Variants in FBRSL1 observed in about 807,000 individuals in gnomAD.
FBRSL1 encodes the protein fibrosin-1-like protein.
Under a neutral mutation model 89.6 loss-of-function variants are expected in FBRSL1, and 51 were observed. The observed-to-expected ratio is 0.57, with a 90% CI of 0.45 to 0.72. The LOEUF is 0.72. Among genes scored for constraint, FBRSL1 ranks in the 30% least tolerant of loss-of-function variants. The pLI is 0.00. For missense variants in FBRSL1, 1,618 were observed against 1,451.8 expected (o/e 1.11, Z -1.86); for synonymous variants, 779 against 681.1 (o/e 1.14, Z -2.24).
chr12:132,536,479 C>T (rs1166820353), intron 4 of FBRSL1, among the ~76,000 whole-genome samples: 4 of 147,120 alleles, frequency 2.7e-5, no homozygotes, highest in African/African-American at 5.1e-5. Flanking sequence ...TGTGAATGCA[C>T]ATGTACATGA....
chr12:132,556,616 C>T (rs183439710), intron 5 of FBRSL1, among the ~76,000 whole-genome samples: 34 of 141,020 alleles, frequency 2.4e-4, no homozygotes, highest in African/African-American at 8.5e-4. Context: ...GCCACCCACC[C>T]CCCTCCTGTG....
At chr12:132,567,100 C>T (rs1032869874) in intron 5 of FBRSL1, among the ~76,000 whole-genome samples, 1 of 152,188 alleles carries the variant, frequency 6.6e-6, no homozygotes, top group African/African-American at 2.4e-5. Context: ...TGGGTGGGGG[C>T]CCAGCAGGGC....
chr12:132,492,256 C>T (rs1281748559), intron 1 of FBRSL1, among the ~76,000 whole-genome samples: 2 of 152,190 alleles, frequency 1.3e-5, no homozygotes, highest in Admixed American at 1.3e-4. Context: ...TGTACCCTGC[C>T]GTTCTCTGTC....
intron 15 of FBRSL1, among the ~76,000 whole-genome samples, chr12:132,578,741 TC>T (rs2040550363): frequency 6.8e-6 from 1 of 147,388 alleles, no homozygotes; most frequent in African/African-American, 2.5e-5. Flanking sequence ...CACTCTCCCC[TC>T]ACCGTGTTTG....
At chr12:132,529,499 T>C (rs1177569282) in intron 4 of FBRSL1, among the ~76,000 whole-genome samples, 2 of 152,270 alleles carry the variant, frequency 1.3e-5, no homozygotes, top group Admixed American at 1.3e-4. Context: ...CCCTTTCACC[T>C]GAGGTTCTGT....
chr12:132,558,341 C>T (rs935853696), intron 5 of FBRSL1, among the ~76,000 whole-genome samples: 3 of 152,248 alleles, frequency 2.0e-5, no homozygotes, highest in African/African-American at 7.2e-5. Context: ...AGAGCAGCCA[C>T]GCCAGCAGCA....
At chr12:132,577,168 G>T (rs2040434609) in intron 15 of FBRSL1, among the ~76,000 whole-genome samples, 1 of 151,544 alleles carries the variant, frequency 6.6e-6, no homozygotes, top group East Asian at 2.0e-4. Context: ...TCCCCAGGGT[G>T]GACCTGGGCC....
At chr12:132,522,843 G>T (rs560537080) in intron 2 of FBRSL1, among the ~76,000 whole-genome samples, 1 of 152,102 alleles carries the variant, frequency 6.6e-6, no homozygotes, top group Admixed American at 6.5e-5. Context: ...TCCCCGGCCT[G>T]CGCTGCCTTT....
intron 1 of FBRSL1, among the ~76,000 whole-genome samples, chr12:132,498,164 AT>A (rs2032358190): frequency 6.6e-6 from 1 of 152,090 alleles, no homozygotes. Flanking sequence ...GGCCGTCCAG[AT>A]CTGTCAAGCC....
Position 132,572,357 on chromosome 12 carries a change from G to A in FBRSL1, c.1434+13G>A, listed in dbSNP as rs370121017. ...TTCCAGCGTGAGTGTGAGTGTCCCCGAGGGGCCCGGCGCGTGTCGCTGTGC... is the reference window on the plus strand; with the variant it reads ...TTCCAGCGTGAGTGTGAGTGTCCCCAAGGGGCCCGGCGCGTGTCGCTGTGC... On this transcript the variant is annotated intron_variant, in intron 10 of 18. Transcript: ENST00000680143. The A allele has an allele frequency of 7.1e-6, 11 of 1,550,696 alleles. No individual in the cohort carries two copies. Among genetic ancestry groups the A allele is most frequent in the African/African-American group, 4.1e-5 (3 of 73,018 alleles).
chr12:132,580,134 C>CT (rs1249881480), intron 15 of FBRSL1, among the ~76,000 whole-genome samples: 4 of 152,192 alleles, frequency 2.6e-5, no homozygotes, highest in Admixed American at 2.6e-4. Flanking sequence ...TGTCGCCAGG[C>CT]TGGAGTGCAG....
At chr12:132,575,135 G>T (rs182917385) in intron 14 of FBRSL1, among the ~76,000 whole-genome samples, 1 of 152,142 alleles carries the variant, frequency 6.6e-6, no homozygotes, top group Admixed American at 6.5e-5. Context: ...CTGTCCCTGC[G>T]CTGTCCTGAT....
rs2040996829 is a variant in FBRSL1 at position 132,584,374 on chromosome 12, A to G, written c.*596A>G. On this transcript the variant is annotated 3_prime_UTR_variant, in exon 19 of 19. Transcript: ENST00000680143. ...TTTTTAAAAGCAAACGAAACGTGTA[A>G]ATAGTCTGTTGATATAAATATATGA... 1 of 152,200 alleles carries G rather than the reference A, an allele frequency of 6.6e-6. No homozygotes were observed. Among genetic ancestry groups the G allele is most frequent in the Non-Finnish European group, 1.5e-5 (1 of 68,038 alleles). The allele number at this position is 152,200 out of a possible 1,614,324, so 9.4% of individuals were successfully genotyped here. A position where few individuals can be genotyped will look rare whatever the true frequency, so the allele number is the denominator to read the frequency against.
At chr12:132,571,873 G>GC (rs1242816107) in intron 9 of FBRSL1, 1 of 325,740 alleles carries the variant, frequency 3.1e-6, no homozygotes, top group African/African-American at 2.2e-5. Context: ...CGTGTTCCCC[G>GC]CCCCGGAGGC....
intron 1 of FBRSL1, among the ~76,000 whole-genome samples, chr12:132,497,020 C>T (rs1315864726): frequency 2.6e-5 from 4 of 152,126 alleles, no homozygotes; most frequent in Non-Finnish European, 4.4e-5. Context: ...GGTGGAGTCT[C>T]ATTTCGGGTT....
Position 132,535,822 on chromosome 12 carries a change from GGTGTGAGTGCACGTGTCCATGGT to G in FBRSL1, c.615+7851_615+7873del, listed in dbSNP as rs1259781455. ...GCGTGAGTGCACGTGTGTCCATGAT[GGTGTGAGTGCACGTGTCCATGGT>G]GTGTGAGTGCACGTGTGTCCATGAT... On this transcript the variant is annotated intron_variant, in intron 4 of 18. Transcript: ENST00000680143. Among the ~76,000 whole-genome samples the G allele has an allele frequency of 5.3e-5, 8 of 150,404 alleles. No homozygotes were observed. In the East Asian group the frequency reaches 6.0e-4, roughly 11 times the overall value.
rs550861640 is a variant in FBRSL1, at chr12:132,569,702, G to A, written c.692-224G>A. ...GCTACCCACCCCCACCCCTGGCCAC[G>A]GCCCAGGCTCCCAAGCCAGCTCCCT... On this transcript the variant is annotated intron_variant, in intron 6 of 18. Coordinates refer to ENST00000680143, the MANE Select transcript of FBRSL1 (RefSeq NM_001367871.1). 1.4e-4 allele frequency among the ~76,000 whole-genome samples: 21 copies of A among 152,152 alleles called. No individual in the cohort carries two copies. The East Asian group carries it at 2.7e-3, about 20-fold the overall frequency.
chr12:132,572,736 G>C (rs2040120065), intron 11 of FBRSL1, 114 bp downstream of exon 11: 2 of 764,930 alleles, frequency 2.6e-6, no homozygotes, highest in Non-Finnish European at 4.3e-6. Flanking sequence ...TCCCTCCCTT[G>C]TACCTGTCGT....
At position 132,583,421 on chromosome 12, in the gene FBRSL1, C is replaced by T; in HGVS notation, c.2652C>T (p.Pro884=). ...CCCTCTTGGAGCCCCCGGAGCGCCC[C>T]TACCGCGACCGCGAGCCCCACGGCT... ...SAALLEPPER[P]YRDREPHGYS... is the part of the protein sequence containing the mutation. Residue 884 remains proline (P), a synonymous_variant, in exon 19 of 19, where the codon CCC becomes CCT. Transcript: ENST00000680143. 4.6e-6 allele frequency: 5 copies of T among 1,079,256 alleles called. No homozygotes were observed. The highest frequency in any genetic ancestry group is 5.6e-6 in the Non-Finnish European group (5 of 888,654). 66.9% of individuals were successfully genotyped at this position (1,079,256 alleles called of 1,614,324 possible). A position where few individuals can be genotyped will look rare whatever the true frequency, so the allele number is the denominator to read the frequency against.
Sources: gnomAD v4.1 joint callset for allele counts (sites outside exome capture counted in the v4.1 genomes callset) on GRCh38, gnomAD v4.1.1 for gene constraint, MANE v1.5 for transcripts, NCBI Gene and HGNC (gene_info 2026-07-23, HGNC 2026-07-21) for gene names.